SECISBP2L: variants seen among roughly 807,000 people sequenced by gnomAD.
SECISBP2L encodes selenocysteine insertion sequence-binding protein 2-like.
A neutral mutation model predicts 114.7 loss-of-function variants in SECISBP2L; 43 were observed. That is an observed-to-expected ratio of 0.38 (90% CI 0.29 to 0.48). The LOEUF is 0.48. SECISBP2L is among the 20% of genes least tolerant of loss of function. The pLI, the probability that SECISBP2L is intolerant of heterozygous loss-of-function variation, is 0.98. For missense variants in SECISBP2L, 1,136 were observed against 1,301.1 expected (o/e 0.87, Z 1.95); for synonymous variants, 451 against 439.7 (o/e 1.03, Z -0.32).
chr15:49,025,728 A>C (rs902518261), intron 7 of SECISBP2L, among the ~76,000 whole-genome samples: 5 of 152,214 alleles, frequency 3.3e-5, no homozygotes, highest in African/African-American at 1.2e-4. Flanking sequence ...ACAAAAAAAA[A>C]TGCTGGTATG....
At chr15:49,045,165 T>G (rs1903216752) in intron 1 of SECISBP2L, among the ~76,000 whole-genome samples, 1 of 152,148 alleles carries the variant, frequency 6.6e-6, no homozygotes, top group East Asian at 1.9e-4. Flanking sequence ...CAGAGTTACA[T>G]TCACATAAAG....
At position 49,033,024 on chromosome 15, in the gene SECISBP2L, G is replaced by A. The variant is rs948951737; in HGVS notation, c.605C>T (p.Ala202Val). 15 of 1,614,026 alleles carry A rather than the reference G, an allele frequency of 9.3e-6. No homozygotes were observed. The highest frequency in any genetic ancestry group is 2.2e-5 in the East Asian group (1 of 44,868). The change falls in exon 4 of 18, where the codon GCA becomes GTA. Residue 202 changes from alanine to valine, a missense_variant. By Grantham distance (64) the Ala-to-Val change is moderately conservative (BLOSUM62 0). Around this residue, in one of 2 missense-constraint regions of SECISBP2L, gnomAD observed 452 missense variants for 452.3 expected, o/e 1.00. Transcript: ENST00000559471. ...TTTTGATCGACTATCAGGACCTGCTGCATTTGTTTCTTTCTGAGTAGCTAC... is the reference window on the plus strand; with the variant it reads ...TTTTGATCGACTATCAGGACCTGCTACATTTGTTTCTTTCTGAGTAGCTAC... ...KNVATQKETN[A>V]AGPDSRSKIV...
chr15:49,032,326 A>T (rs1042459023), intron 4 of SECISBP2L, among the ~76,000 whole-genome samples: 3 of 152,206 alleles, frequency 2.0e-5, no homozygotes, highest in Admixed American at 6.5e-5. Context: ...CTGTACTGAG[A>T]TCAAAGATAC....
chr15:49,028,060 TCAG>T, intron 6 of SECISBP2L, 81 bp downstream of exon 6: 1 of 1,235,960 alleles, frequency 8.1e-7, no homozygotes, highest in Admixed American at 2.7e-5. Context: ...TTTTGCAGTA[TCAG>T]CAAGCCTCAT....
intron 1 of SECISBP2L, 89 bp from the exon 2 acceptor site, chr15:49,037,858 A>G (rs1171905932): frequency 9.5e-7 from 1 of 1,050,010 alleles, no homozygotes; most frequent in Admixed American, 2.7e-5. Context: ...GTCAGTCCTT[A>G]TAAACAGTAA....
In SECISBP2L at chr15:49,021,066, G is replaced by A. The variant is rs1239174914; in HGVS notation, c.1036-1514C>T. On this transcript the variant is annotated intron_variant, in intron 7 of 17. Coordinates refer to ENST00000559471, the MANE Select transcript of SECISBP2L (RefSeq NM_001193489.2). The stretch of plus-strand genomic sequence containing the variant: ...GTATTTGAAAGTGCGGCCTTTGGGA[G>A]GTGATTAAGTTATGAGGGCAGAGCC... 2.0e-5 allele frequency among the ~76,000 whole-genome samples: 3 copies of A among 151,920 alleles called. No homozygotes were observed. The East Asian group carries it at 5.8e-4, about 29-fold the overall frequency.
At position 49,016,988 on chromosome 15, in the gene SECISBP2L, T is replaced by C. The variant is rs1902549447; in HGVS notation, c.1279A>G (p.Ile427Val). 7 of 1,613,192 alleles carry C rather than the reference T, an allele frequency of 4.3e-6. No homozygotes were observed. Among genetic ancestry groups the C allele is most frequent in the Non-Finnish European group, 5.9e-6 (7 of 1,179,696 alleles). ...VLDDLPENSP[I>V]NIVQTPIPIT... ...GGAATTGGAGTCTGAACTATATTGA[T>C]TGGTGAGTTTTCAGGTAAATCATCC... Residue 427 changes from isoleucine (I) to valine (V), a missense_variant, in exon 10 of 18, where the codon ATC (isoleucine) becomes GTC (valine). Coordinates refer to ENST00000559471, the MANE Select transcript of SECISBP2L (RefSeq NM_001193489.2).
chr15:49,031,042 T>TG (rs1902874639), intron 4 of SECISBP2L, among the ~76,000 whole-genome samples: 1 of 121,158 alleles, frequency 8.3e-6, no homozygotes, highest in Admixed American at 7.9e-5. Flanking sequence ...ATTTTCTTTT[T>TG]TTTTTTTTTT....
At chr15:49,010,909 C>T (rs756645481) in intron 13 of SECISBP2L, among the ~76,000 whole-genome samples, 7 of 152,152 alleles carry the variant, frequency 4.6e-5, no homozygotes, top group South Asian at 2.1e-4. Flanking sequence ...GTCCTCCTGC[C>T]GCTCTAGTTA....
intron 11 of SECISBP2L, among the ~76,000 whole-genome samples, chr15:49,013,883 T>C (rs929092841): frequency 6.6e-6 from 1 of 152,156 alleles, no homozygotes; most frequent in Non-Finnish European, 1.5e-5. Context: ...AGTTCCTCCC[T>C]GACCCTTGAC....
intron 17 of SECISBP2L, among the ~76,000 whole-genome samples, chr15:48,994,136 A>G (rs1233988435): frequency 1.3e-5 from 2 of 151,760 alleles, no homozygotes; most frequent in Non-Finnish European, 2.9e-5. Context: ...ACCTCCTCCT[A>G]TATTCTCATT....
chr15:49,005,709 T>C (rs1187350806), intron 14 of SECISBP2L, among the ~76,000 whole-genome samples: 1 of 152,024 alleles, frequency 6.6e-6, no homozygotes, highest in South Asian at 2.1e-4. Flanking sequence ...TTTATCCAAT[T>C]TGACAGTCTG....
chr15:49,038,639 A>T (rs1298653028), intron 1 of SECISBP2L, among the ~76,000 whole-genome samples: 1 of 152,160 alleles, frequency 6.6e-6, no homozygotes, highest in East Asian at 1.9e-4. Flanking sequence ...TTGTCCTGTA[A>T]CAATTCATCA....
rs752466722 is a variant in SECISBP2L, at chr15:49,005,560, CTTTTTTTTTTTTT to C, written c.2027+3643_2027+3655del. ...TCAGAGACTAGAATTGCAACCCCTG[CTTTTTTTTTTTTT>C]TTTTTTTTTTTTTTTGCTTTCCATT... On this transcript the variant is annotated intron_variant, in intron 14 of 17. Coordinates refer to ENST00000559471, the MANE Select transcript of SECISBP2L (RefSeq NM_001193489.2). Among the ~76,000 whole-genome samples the C allele has an allele frequency of 5.4e-4, 20 of 36,792 alleles. No homozygotes were observed. In the South Asian group the frequency reaches 6.5e-3, roughly 12 times the overall value. The allele number at this position is 36,792 out of a possible 152,430, so 24.1% of individuals were successfully genotyped here.
chr15:49,035,413 C>T lies in SECISBP2L; in HGVS notation c.449G>A (p.Arg150His), dbSNP rs138614543. ...VNAITTECTE[R>H]PSQLGQVFPL... is the part of the protein sequence containing the mutation. ...GAAGACCTGTCCAAGCTGACTTGGA[C>T]GCTCAGTGCATTCTGTGGTGATAGC... The change falls in exon 3 of 18, where the codon CGT (arginine) becomes CAT (histidine). Residue 150 changes from arginine to histidine, a missense_variant. Arg to His is a conservative substitution (Grantham distance 29). Coordinates refer to ENST00000559471, the MANE Select transcript of SECISBP2L (RefSeq NM_001193489.2). 39 of 1,614,164 alleles carry T rather than the reference C, an allele frequency of 2.4e-5. No individual in the cohort carries two copies. The highest frequency in any genetic ancestry group is 6.7e-5 in the East Asian group (3 of 44,888).
intron 4 of SECISBP2L, among the ~76,000 whole-genome samples, chr15:49,029,060 C>T (rs1172465146): frequency 6.6e-6 from 1 of 152,092 alleles, no homozygotes; most frequent in Non-Finnish European, 1.5e-5. Flanking sequence ...CGCCATGTTG[C>T]CCAGGCTGGT....
At chr15:49,017,504 CA>C in intron 9 of SECISBP2L, 43 bp downstream of exon 9, 1 of 1,261,556 alleles carries the variant, frequency 7.9e-7, no homozygotes, top group Non-Finnish European at 1.1e-6. Flanking sequence ...AGCCATTGTT[CA>C]AAAGATGTTA....
At chr15:49,028,247 A>G in intron 5 of SECISBP2L, 79 bp from the exon 6 acceptor site, 1 of 1,289,402 alleles carries the variant, frequency 7.8e-7, no homozygotes. Flanking sequence ...TTTATAATTT[A>G]TCCTAGTGTG....
In SECISBP2L at chr15:49,028,007, T is replaced by C. The variant is rs1364476637; in HGVS notation, c.919+137A>G. ...TTTCTCAAGCTGATCAGCAAAACTG[T>C]ACTTCCAAATTACCTTGAATCTCTG... On this transcript the variant is annotated intron_variant, in intron 6 of 17. Coordinates refer to ENST00000559471, the MANE Select transcript of SECISBP2L (RefSeq NM_001193489.2). The C allele has an allele frequency of 5.4e-5, 42 of 773,702 alleles. 1 individual carries two copies. The East Asian group carries it at 6.5e-4, about 12-fold the overall frequency. 47.9% of individuals were successfully genotyped at this position (773,702 alleles called of 1,614,324 possible).
Sources: allele counts gnomAD v4.1 joint callset (sites outside exome capture counted in the v4.1 genomes callset), GRCh38; gene constraint gnomAD v4.1.1; regional missense constraint gnomAD v4.1.1; transcripts MANE v1.5; gene names NCBI Gene and HGNC (gene_info 2026-07-23, HGNC 2026-07-21).